Variants in GUCY1A1 observed in about 807,000 individuals in gnomAD.
GUCY1A1 encodes the protein guanylate cyclase 1 soluble subunit alpha 1.
GUCY1A1 carries 48 observed loss-of-function variants against 64.5 expected under a neutral mutation model. The observed-to-expected ratio is 0.74, with a 90% confidence interval of 0.59 to 0.95. The LOEUF is 0.95. GUCY1A1 is among the 40% of genes least tolerant of loss of function. GUCY1A1 has a pLI of 0.00. For missense variants in GUCY1A1, 804 were observed against 825.3 expected (o/e 0.97, Z 0.32); for synonymous variants, 308 against 303.4 (o/e 1.02, Z -0.16).
chr4:155,667,538 A>G (rs542071211), intron 2 of GUCY1A1, 119 bp downstream of exon 2: 1 of 152,220 alleles, frequency 6.6e-6, no homozygotes, highest in East Asian at 1.9e-4. Context: ...GTACGCTCCC[A>G]GTTGCCCAGC....
Position 155,733,315 on chromosome 4 carries a change from G to A in GUCY1A1, c.*3084G>A, listed in dbSNP as rs190089587. The stretch of plus-strand genomic sequence containing the variant: ...GTCTTAGAGTTCATCAAGCAGAGAA[G>A]GGGAAGGACATGGTCCAGGAAAATA... On this transcript the variant is annotated 3_prime_UTR_variant, in exon 10 of 10. Transcript: ENST00000506455. Among the ~76,000 whole-genome samples, 12 of 151,784 alleles carry A rather than the reference G, an allele frequency of 7.9e-5. No individual in the cohort carries two copies. The highest frequency in any genetic ancestry group is 1.5e-4 in the Non-Finnish European group (10 of 67,838).
At chr4:155,680,040 A>G (rs936670760) in intron 2 of GUCY1A1, among the ~76,000 whole-genome samples, 1 of 152,156 alleles carries the variant, frequency 6.6e-6, no homozygotes, top group Non-Finnish European at 1.5e-5. Flanking sequence ...TGGCTATCCT[A>G]TGTCATCAAT....
At chr4:155,711,923 T>A (rs1188354630) in intron 6 of GUCY1A1, among the ~76,000 whole-genome samples, 14 of 152,314 alleles carry the variant, frequency 9.2e-5, no homozygotes, top group African/African-American at 3.4e-4. Context: ...TTGAGATGTT[T>A]AAAAAATGAG....
At position 155,711,253 on chromosome 4, in the gene GUCY1A1, T is replaced by C. The variant is rs375670910; in HGVS notation, c.1086+2T>C. On this transcript the variant is annotated splice_donor_variant, in intron 6 of 9. Coordinates refer to ENST00000506455, the MANE Select transcript of GUCY1A1 (RefSeq NM_001130682.3). LOFTEE classifies it high-confidence loss of function. The stretch of plus-strand genomic sequence containing the variant: ...AACTCTGTGAAAAAATCTTCAAGGG[T>C]AAGGAAAACATAATACTATCTTGAA... 2 of 1,431,322 alleles carry C rather than the reference T, an allele frequency of 1.4e-6. No individual in the cohort carries two copies. The highest frequency in any genetic ancestry group is 2.8e-5 in the African/African-American group (2 of 71,284). 88.7% of individuals were successfully genotyped at this position (1,431,322 alleles called of 1,614,324 possible).
chr4:155,683,561 A>G (rs895783972), intron 2 of GUCY1A1, among the ~76,000 whole-genome samples: 6 of 152,222 alleles, frequency 3.9e-5, no homozygotes, highest in Non-Finnish European at 5.9e-5. Context: ...AGTGACAAAG[A>G]CAAGATAATG....
In GUCY1A1 at chr4:155,708,868, G is replaced by T. The variant is rs78424653; in HGVS notation, c.376+574G>T. 1.7e-3 allele frequency among the ~76,000 whole-genome samples: 264 copies of T among 152,170 alleles called. 1 individual carries two copies. The highest frequency in any genetic ancestry group is 6.0e-3 in the African/African-American group (247 of 41,504). On this transcript the variant is annotated intron_variant, in intron 5 of 9. Coordinates refer to ENST00000506455, the MANE Select transcript of GUCY1A1 (RefSeq NM_001130682.3). ...TTCTGAATATAAGCCCCACAACAGT[G>T]CTATGAAGAGGGCACTATTCTTTTT... is the stretch of plus-strand genomic sequence containing the variant.
chr4:155,694,340 A>G (rs889513439), intron 2 of GUCY1A1, among the ~76,000 whole-genome samples: 3 of 152,068 alleles, frequency 2.0e-5, no homozygotes, highest in African/African-American at 7.2e-5. Flanking sequence ...CCCAGGAGTT[A>G]CAGACCAGCC....
At chr4:155,674,813 T>A (rs1009239950) in intron 2 of GUCY1A1, among the ~76,000 whole-genome samples, 3 of 151,664 alleles carry the variant, frequency 2.0e-5, no homozygotes, top group Admixed American at 6.5e-5. Flanking sequence ...TAGTACCCTC[T>A]AAAATAACAA....
At chr4:155,690,571 A>C (rs1281564777) in intron 2 of GUCY1A1, among the ~76,000 whole-genome samples, 1 of 152,064 alleles carries the variant, frequency 6.6e-6, no homozygotes, top group African/African-American at 2.4e-5. Context: ...GTCTCTCACC[A>C]CCATTATCTT....
chr4:155,708,425 C>T (rs572895576), intron 5 of GUCY1A1, 131 bp downstream of exon 5: 49 of 549,580 alleles, frequency 8.9e-5, no homozygotes, highest in African/African-American at 4.9e-4. Context: ...ATTCTGTTAA[C>T]GTAAAGAGTA....
chr4:155,705,364 C>A (rs930056027), intron 4 of GUCY1A1, among the ~76,000 whole-genome samples: 1 of 151,940 alleles, frequency 6.6e-6, no homozygotes, highest in African/African-American at 2.4e-5. Context: ...GACTGGCCAA[C>A]ATGGCGAAAC....
intron 6 of GUCY1A1, 82 bp from the exon 7 acceptor site, chr4:155,713,016 C>T: frequency 8.5e-7 from 1 of 1,177,328 alleles, no homozygotes; most frequent in East Asian, 2.4e-5. Flanking sequence ...GGGTTTATTA[C>T]TGTATCTACT....
At chr4:155,702,622 C>T (rs969597632) in intron 3 of GUCY1A1, among the ~76,000 whole-genome samples, 1 of 152,030 alleles carries the variant, frequency 6.6e-6, no homozygotes, top group Non-Finnish European at 1.5e-5. Context: ...AGATAGTATC[C>T]TTTCTCTCTA....
rs964682536 is a variant in GUCY1A1, at chr4:155,717,372, T to A, written c.1716+70T>A. 5.1e-6 allele frequency: 6 copies of A among 1,172,498 alleles called. No homozygotes were observed. In the African/African-American group the frequency reaches 9.3e-5, roughly 18 times the overall value. The allele number at this position is 1,172,498 out of a possible 1,614,324, so 72.6% of individuals were successfully genotyped here. The stretch of plus-strand genomic sequence containing the variant: ...TGCGTATAGTTGATTACCAAAACCA[T>A]GGTGTATCAGTTGGGGGTTAGTTGA... On this transcript the variant is annotated intron_variant, in intron 8 of 9. Coordinates refer to ENST00000506455, the MANE Select transcript of GUCY1A1 (RefSeq NM_001130682.3).
rs760915080 is a variant in GUCY1A1 at position 155,731,591 on chromosome 4, T to TA, written c.*1366dup. ...GGTCAGTTGAAGTTCTCTGGTGAAC[T>TA]AAAAAATCTACATTTTGGTTGGGGA... is the stretch of plus-strand genomic sequence containing the variant. On this transcript the variant is annotated 3_prime_UTR_variant, in exon 10 of 10. Transcript: ENST00000506455. 6 of 151,798 alleles carry TA rather than the reference T, an allele frequency of 4.0e-5. No individual in the cohort carries two copies. The highest frequency in any genetic ancestry group is 2.6e-4 in the Admixed American group (4 of 15,198). 9.4% of individuals were successfully genotyped at this position (151,798 alleles called of 1,614,324 possible). A position where few individuals can be genotyped will look rare whatever the true frequency, so the allele number is the denominator to read the frequency against.
At chr4:155,697,899 CCT>C (rs1258845641) in intron 3 of GUCY1A1, among the ~76,000 whole-genome samples, 1 of 152,278 alleles carries the variant, frequency 6.6e-6, no homozygotes, top group East Asian at 1.9e-4. Flanking sequence ...TGTCTTCCTC[CCT>C]CTGTCAGTCT....
intron 3 of GUCY1A1, among the ~76,000 whole-genome samples, chr4:155,702,972 T>C (rs1324811197): frequency 6.7e-6 from 1 of 150,236 alleles, no homozygotes. Flanking sequence ...ATATATAATA[T>C]ATAGTTTTAT....
Position 155,717,161 on chromosome 4 carries a change from G to A in GUCY1A1, c.1575G>A (p.Val525=), listed in dbSNP as rs200246619. The A allele has an allele frequency of 1.3e-6, 2 of 1,489,974 alleles. No individual in the cohort carries two copies. The allele number at this position is 1,489,974 out of a possible 1,614,324, so 92.3% of individuals were successfully genotyped here. A position where few individuals can be genotyped will look rare whatever the true frequency, so the allele number is the denominator to read the frequency against. Residue 525 remains valine (V), a splice_region_variant and synonymous_variant, in exon 8 of 10, where the codon GTG becomes GTA. Transcript: ENST00000506455. ...TATGGAAAATATATTATGTCTAGGT[G>A]GAGACCATTGGCGATGCCTATTGTG... The part of the protein sequence containing the change: ...QQCGELDVYK[V]ETIGDAYCVA...
chr4:155,705,175 G>A (rs558569879), intron 4 of GUCY1A1, among the ~76,000 whole-genome samples: 3 of 152,206 alleles, frequency 2.0e-5, no homozygotes, highest in Non-Finnish European at 2.9e-5. Flanking sequence ...ACAGGCATGC[G>A]CCACTGCGCC....
Sources: gnomAD v4.1 joint callset for allele counts (sites outside exome capture counted in the v4.1 genomes callset) on GRCh38, gnomAD v4.1.1 for gene constraint, MANE v1.5 for transcripts, NCBI Gene and HGNC (gene_info 2026-07-23, HGNC 2026-07-21) for gene names.